The following TTC39C variants were observed in gnomAD, a reference collection of about 807,000 sequenced individuals.
TTC39C encodes tetratricopeptide repeat protein 39C.
A neutral mutation model predicts 76.3 loss-of-function variants in TTC39C; 33 were observed. That is an observed-to-expected ratio of 0.43 (90% CI 0.33 to 0.58). The LOEUF (loss-of-function observed/expected upper bound fraction) is 0.58, where lower values mean the gene tolerates loss of function less well. TTC39C is among the 20% of genes least tolerant of loss of function. The pLI is 0.04. For synonymous variants in TTC39C, 254 were observed against 260.6 expected (o/e 0.97, Z 0.24); for missense variants, 595 against 701.4 (o/e 0.85, Z 1.71).
intron 1 of TTC39C, among the ~76,000 whole-genome samples, chr18:24,046,017 C>T (rs1376137684): frequency 3.6e-5 from 5 of 139,430 alleles, no homozygotes; most frequent in African/African-American, 8.0e-5. Flanking sequence ...CTGCTCACTG[C>T]AAGCTCCGCC....
At chr18:24,114,729 G>A in intron 7 of TTC39C, 82 bp downstream of exon 7, 1 of 1,096,032 alleles carries the variant, frequency 9.1e-7, no homozygotes, top group East Asian at 2.5e-5. Context: ...TTCAGTGTGT[G>A]TCTACAAAAT....
intron 3 of TTC39C, among the ~76,000 whole-genome samples, chr18:24,066,419 T>A (rs1460814406): frequency 6.6e-6 from 1 of 152,196 alleles, no homozygotes; most frequent in Admixed American, 6.5e-5. Context: ...TAATGAGGTT[T>A]TCCTATATGT....
At chr18:24,118,337 C>A in intron 8 of TTC39C, 105 bp downstream of exon 8, 1 of 736,434 alleles carries the variant, frequency 1.4e-6, no homozygotes, top group Admixed American at 2.5e-5. Flanking sequence ...AAGTTGTACC[C>A]CTCCACAGCC....
chr18:24,113,918 T>C (rs150737616), intron 6 of TTC39C: 206 of 512,472 alleles, frequency 4.0e-4, no homozygotes, highest in African/African-American at 3.6e-3. Context: ...TCAGGGAATT[T>C]CTGAAGTGTC....
rs1219008142 is a variant in TTC39C, at chr18:24,129,067, C to T, written c.1518+84C>T. ...CTTGTGAATAAGAAAAATGAAAAAG[C>T]ACTGAACGAAACCGAACCTCCCACT... On this transcript the variant is annotated intron_variant, in intron 11 of 13. Transcript: ENST00000317571. 2.7e-6 allele frequency: 3 copies of T among 1,102,156 alleles called. No homozygotes were observed. The African/African-American group carries it at 4.8e-5, about 18-fold the overall frequency. The allele number at this position is 1,102,156 out of a possible 1,614,324, so 68.3% of individuals were successfully genotyped here. A position where few individuals can be genotyped will look rare whatever the true frequency, so the allele number is the denominator to read the frequency against.
chr18:24,102,594 G>T (rs1568438380), intron 6 of TTC39C, among the ~76,000 whole-genome samples: 1 of 152,166 alleles, frequency 6.6e-6, no homozygotes, highest in Non-Finnish European at 1.5e-5. Context: ...GGGGCGGGGA[G>T]GTCCACATTG....
Position 24,134,083 on chromosome 18 carries a change from T to C in TTC39C, c.*1509T>C, listed in dbSNP as rs1376416697. 2 of 154,642 alleles carry C rather than the reference T, an allele frequency of 1.3e-5. No homozygotes were observed. Among genetic ancestry groups the C allele is most frequent in the Non-Finnish European group, 2.9e-5 (2 of 68,198 alleles). The allele number at this position is 154,642 out of a possible 1,614,324, so 9.6% of individuals were successfully genotyped here. A position where few individuals can be genotyped will look rare whatever the true frequency, so the allele number is the denominator to read the frequency against. ...TTTCTTCATCTCTGTTACTGACCAC[T>C]TTTCAGTAGACTGTTTCCAAAATGT... is the stretch of plus-strand genomic sequence containing the variant. On this transcript the variant is annotated 3_prime_UTR_variant, in exon 14 of 14. Coordinates refer to ENST00000317571, the MANE Select transcript of TTC39C (RefSeq NM_001135993.2).
intron 1 of TTC39C, chr18:24,000,456 A>G (rs770334950): frequency 6.6e-6 from 1 of 152,284 alleles, no homozygotes; most frequent in Non-Finnish European, 1.5e-5. Flanking sequence ...CCCTGCCCAC[A>G]GCTTGATTTT....
intron 6 of TTC39C, 52 bp downstream of exon 6, chr18:24,083,133 C>G: frequency 6.5e-7 from 1 of 1,528,728 alleles, no homozygotes. Context: ...GATCAAATCT[C>G]TGATTCTCAC....
At chr18:24,124,745 TG>T (rs775933575) in intron 9 of TTC39C, among the ~76,000 whole-genome samples, 3 of 152,346 alleles carry the variant, frequency 2.0e-5, no homozygotes, top group East Asian at 3.9e-4. Flanking sequence ...TCAAGAGAAC[TG>T]TGACTAAAAG....
Position 24,083,096 on chromosome 18 carries a change from T to A in TTC39C, c.984+15T>A. The A allele has an allele frequency of 6.3e-7, 1 of 1,578,988 alleles. No homozygotes were observed. The highest frequency in any genetic ancestry group is 1.2e-5 in the South Asian group (1 of 85,882). ...AACGACTAGAGGTACTGTACCTTCC[T>A]CATCTTTTTAAAATAAAGCCTCCGA... is the stretch of plus-strand genomic sequence containing the variant. On this transcript the variant is annotated intron_variant, in intron 6 of 13. Coordinates refer to ENST00000317571, the MANE Select transcript of TTC39C (RefSeq NM_001135993.2).
At position 24,020,722 on chromosome 18, in the gene TTC39C, A is replaced by G. The variant is rs574972611; in HGVS notation, c.167+5684A>G. 2.6e-5 allele frequency among the ~76,000 whole-genome samples: 4 copies of G among 152,324 alleles called. 1 individual carries two copies. The East Asian group carries it at 5.8e-4, about 22-fold the overall frequency. ...AATAGTGACAAGGGAAAAAGTCTGT[A>G]TATCTAGTACTAATGCAACCTTTTT... On this transcript the variant is annotated intron_variant, in intron 1 of 13. Coordinates refer to ENST00000317571, the MANE Select transcript of TTC39C (RefSeq NM_001135993.2).
intron 1 of TTC39C, among the ~76,000 whole-genome samples, chr18:24,050,875 G>A (rs200896086): frequency 1.2e-4 from 17 of 142,764 alleles, no homozygotes; most frequent in East Asian, 2.0e-4. Flanking sequence ...TCCATCTCAG[G>A]AAAAAAAAAA....
chr18:24,029,043 C>T (rs1360937219), intron 1 of TTC39C, among the ~76,000 whole-genome samples: 1 of 151,424 alleles, frequency 6.6e-6, no homozygotes, highest in Non-Finnish European at 1.5e-5. Context: ...TAAATGATTG[C>T]CTAAAATTAA....
chr18:24,042,310 G>A (rs995723950), intron 1 of TTC39C, among the ~76,000 whole-genome samples: 3 of 152,124 alleles, frequency 2.0e-5, no homozygotes, highest in African/African-American at 7.2e-5. Flanking sequence ...AAGGGTGTGG[G>A]AGATTGCGGG....
chr18:24,069,484 T>G (rs760268335), intron 4 of TTC39C, among the ~76,000 whole-genome samples: 3 of 152,222 alleles, frequency 2.0e-5, no homozygotes, highest in Non-Finnish European at 4.4e-5. Context: ...TTCATCCTCT[T>G]GTCTCAAGAG....
intron 4 of TTC39C, among the ~76,000 whole-genome samples, chr18:24,080,096 C>G (rs950268558): frequency 6.6e-6 from 1 of 152,130 alleles, no homozygotes; most frequent in African/African-American, 2.4e-5. Context: ...GCCACCGCAC[C>G]CAACCTTGGC....
chr18:24,016,730 C>T, intron 1 of TTC39C: 1 of 398,584 alleles, frequency 2.5e-6, no homozygotes. Context: ...TTCAAAGATA[C>T]TTCTCTGTGG....
chr18:24,006,272 C>T (rs916405749), intron 1 of TTC39C: 2 of 152,118 alleles, frequency 1.3e-5, no homozygotes, highest in Admixed American at 1.3e-4. Context: ...CGTGGCCTCC[C>T]AAAGTGTAGG....
Sources: gnomAD v4.1 joint callset for allele counts (sites outside exome capture counted in the v4.1 genomes callset) on GRCh38, gnomAD v4.1.1 for gene constraint, MANE v1.5 for transcripts, NCBI Gene and HGNC (gene_info 2026-07-23, HGNC 2026-07-21) for gene names.